Variants in STARD9 observed in about 807,000 individuals in gnomAD.
The protein encoded by STARD9 is StAR related lipid transfer domain containing 9.
Under a neutral mutation model 399.8 loss-of-function variants are expected in STARD9, and 346 were observed. That is an observed-to-expected ratio of 0.87 (90% confidence interval 0.79 to 0.95). STARD9 has a LOEUF of 0.95. Ranked by LOEUF, STARD9 falls within the 40% of genes least tolerant of loss-of-function variation. STARD9 has a pLI of 0.00. For synonymous variants in STARD9, 2,203 were observed against 2,143.5 expected (o/e 1.03, Z -0.77); for missense variants, 5,832 against 5,667.5 (o/e 1.03, Z -0.93).
intron 3 of STARD9, among the ~76,000 whole-genome samples, chr15:42,625,087 C>G (rs986991675): frequency 3.0e-4 from 45 of 152,150 alleles, no homozygotes; most frequent in African/African-American, 9.2e-4. Context: ...AGTATGGTGG[C>G]ACAGTCTTGG....
At chr15:42,682,703 C>T (rs1284071708) in intron 22 of STARD9, 128 bp downstream of exon 22, 17 of 755,650 alleles carry the variant, frequency 2.2e-5, no homozygotes, top group Non-Finnish European at 2.7e-5. Context: ...GTATATTTCT[C>T]TCTTCCTCAT....
intron 14 of STARD9, 99 bp from the exon 15 acceptor site, chr15:42,665,687 C>A: frequency 1.1e-6 from 1 of 921,840 alleles, no homozygotes; most frequent in Non-Finnish European, 1.6e-6. Flanking sequence ...TAAAGTTTTT[C>A]CTTTATCTGC....
Position 42,686,599 on chromosome 15 carries a change from C to A in STARD9, c.5021C>A (p.Pro1674His). The change falls in exon 23 of 33, where the codon CCT (proline) becomes CAT (histidine). Residue 1674 changes from proline (P) to histidine (H), a missense_variant. Physicochemically the swap from Pro to His is moderately conservative, Grantham distance 77. This residue lies in a region of STARD9 where 5,828 missense variants were observed against 5,651.1 expected (regional missense o/e 1.03). Transcript: ENST00000290607. ...KADHWSQGWA[P>H]LRKNSAVQPG... ...GACCATTGGTCCCAAGGCTGGGCTC[C>A]TCTCAGGAAAAATAGTGCAGTCCAG... The A allele has an allele frequency of 6.5e-7, 1 of 1,537,408 alleles. No individual in the cohort carries two copies. The highest frequency in any genetic ancestry group is 8.7e-7 in the Non-Finnish European group (1 of 1,146,994).
At chr15:42,653,810 TA>T (rs535464309) in intron 9 of STARD9, among the ~76,000 whole-genome samples, 3 of 151,876 alleles carry the variant, frequency 2.0e-5, no homozygotes, top group Non-Finnish European at 4.4e-5. Context: ...TGAGTAAATA[TA>T]AAAAAAACCT....
At chr15:42,682,715 A>G (rs1340905646) in intron 22 of STARD9, 140 bp downstream of exon 22, 1 of 721,532 alleles carries the variant, frequency 1.4e-6, no homozygotes, top group East Asian at 2.7e-5. Flanking sequence ...CTTCCTCATG[A>G]CTTTTTCCAT....
At chr15:42,659,813 C>G (rs1246899924) in intron 9 of STARD9, among the ~76,000 whole-genome samples, 1 of 152,164 alleles carries the variant, frequency 6.6e-6, no homozygotes, top group East Asian at 1.9e-4. Context: ...GGTGAGTCAT[C>G]ATGCCCAGCC....
In STARD9 at chr15:42,665,406, TG is replaced by T. The variant is rs1378722935; in HGVS notation, c.1254+79del. On this transcript the variant is annotated intron_variant, in intron 14 of 32. Coordinates refer to ENST00000290607, the MANE Select transcript of STARD9 (RefSeq NM_020759.3). ...AGCCTCTTTTCTTCTCCATAGAGTC[TG>T]GGCCCTGCTGCATTCTATGTTCTCA... 3.4e-6 allele frequency: 4 copies of T among 1,168,708 alleles called. No individual in the cohort carries two copies. The Admixed American group carries it at 8.1e-5, about 24-fold the overall frequency. The allele number at this position is 1,168,708 out of a possible 1,614,324, so 72.4% of individuals were successfully genotyped here. A position where few individuals can be genotyped will look rare whatever the true frequency, so the allele number is the denominator to read the frequency against.
intron 9 of STARD9, among the ~76,000 whole-genome samples, chr15:42,657,314 C>T (rs184967251): frequency 6.7e-6 from 1 of 148,414 alleles, no homozygotes; most frequent in African/African-American, 2.5e-5. Flanking sequence ...GAGCTGAGAT[C>T]GTACCATCAC....
intron 18 of STARD9, 74 bp downstream of exon 18, chr15:42,675,038 T>A: frequency 7.2e-7 from 1 of 1,393,062 alleles, no homozygotes; most frequent in Non-Finnish European, 9.3e-7. Flanking sequence ...CCCAAAGAGC[T>A]CAGTGAAGCA....
rs1189999169 is a variant in STARD9 at position 42,687,439 on chromosome 15, G to A, written c.5861G>A (p.Arg1954His). 45 of 1,537,066 alleles carry A rather than the reference G, an allele frequency of 2.9e-5. No homozygotes were observed. The Admixed American group carries it at 4.1e-4, about 14-fold the overall frequency. ...TCTTTGAAATCCAGATCAGTAGATCGTAGAGTAAGCAGCCCAGTGATGGTG... is the reference window on the plus strand; with the variant it reads ...TCTTTGAAATCCAGATCAGTAGATCATAGAGTAAGCAGCCCAGTGATGGTG... ...AVSLKSRSVD[R>H]RVSSPVMVAQ... Residue 1954 changes from arginine (R) to histidine (H), a missense_variant, in exon 23 of 33, where the codon CGT (arginine) becomes CAT (histidine). Transcript: ENST00000290607.
At position 42,690,297 on chromosome 15, in the gene STARD9, G is replaced by T. The variant is rs534412465; in HGVS notation, c.8719G>T (p.Ala2907Ser). The change falls in exon 23 of 33, where the codon GCA (alanine) becomes TCA (serine). Residue 2907 changes from alanine (A) to serine (S), a missense_variant. Around this residue, in one of 2 missense-constraint regions of STARD9, gnomAD observed 5,828 missense variants for 5,651.1 expected, o/e 1.03. Coordinates refer to ENST00000290607, the MANE Select transcript of STARD9 (RefSeq NM_020759.3). ...PIPLPDQRPS[A>S]NPGGIGEEAP... ...TCCACTGCCAGATCAAAGACCAAGC[G>T]CAAATCCTGGGGGAATTGGGGAGGA... 4 of 1,537,286 alleles carry T rather than the reference G, an allele frequency of 2.6e-6. No homozygotes were observed. Among genetic ancestry groups the T allele is most frequent in the Admixed American group, 2.0e-5 (1 of 50,998 alleles).
At chr15:42,670,437 T>C (rs1462355924) in intron 16 of STARD9, 3 of 152,256 alleles carry the variant, frequency 2.0e-5, no homozygotes, top group Non-Finnish European at 4.4e-5. Flanking sequence ...TAGTGACCTA[T>C]GGTAGATAGA....
In STARD9 at chr15:42,716,756, C is replaced by T. The variant is rs2061358364; in HGVS notation, c.13364C>T (p.Ser4455Phe). The T allele has an allele frequency of 6.5e-6, 10 of 1,536,594 alleles. No individual in the cohort carries two copies. Among genetic ancestry groups the T allele is most frequent in the African/African-American group, 1.4e-5 (1 of 73,042 alleles). ...GGCCATTCTGCAGTGAGGAAGAACTCTGCCTACAGTGAGTTGCGGGGAGTG... is the reference window on the plus strand; with the variant it reads ...GGCCATTCTGCAGTGAGGAAGAACTTTGCCTACAGTGAGTTGCGGGGAGTG... ...RGGHSAVRKNSAYSHRASLGS... is the reference protein window; with the variant it reads ...RGGHSAVRKNFAYSHRASLGS... The change falls in exon 27 of 33, where the codon TCT becomes TTT. Residue 4455 changes from serine to phenylalanine, a missense_variant. Physicochemically the swap from Ser to Phe is radical, Grantham distance 155. Coordinates refer to ENST00000290607, the MANE Select transcript of STARD9 (RefSeq NM_020759.3).
intron 9 of STARD9, among the ~76,000 whole-genome samples, chr15:42,657,302 G>A (rs2059897189): frequency 6.6e-6 from 1 of 150,810 alleles, no homozygotes; most frequent in African/African-American, 2.5e-5. Flanking sequence ...AGAGGTTGCA[G>A]TGAGCTGAGA....
intron 3 of STARD9, among the ~76,000 whole-genome samples, chr15:42,603,670 G>T (rs562692974): frequency 6.6e-6 from 1 of 152,094 alleles, no homozygotes; most frequent in African/African-American, 2.4e-5. Flanking sequence ...GCAGGCAGGG[G>T]GCTAGGGAAT....
At chr15:42,668,180 G>A (rs1163567869) in intron 15 of STARD9, among the ~76,000 whole-genome samples, 2 of 152,128 alleles carry the variant, frequency 1.3e-5, no homozygotes, top group Non-Finnish European at 2.9e-5. Context: ...AAGCCAGAGT[G>A]TCCTGCCACT....
chr15:42,616,211 C>G (rs2058959958), intron 3 of STARD9, among the ~76,000 whole-genome samples: 1 of 152,110 alleles, frequency 6.6e-6, no homozygotes, highest in Admixed American at 6.6e-5. Flanking sequence ...CAAAAAGACT[C>G]CAGAAATGAT....
chr15:42,691,595 C>T lies in STARD9; in HGVS notation c.10017C>T (p.Asn3339=). The T allele has an allele frequency of 6.5e-7, 1 of 1,537,250 alleles. No individual in the cohort carries two copies. The highest frequency in any genetic ancestry group is 8.7e-7 in the Non-Finnish European group (1 of 1,146,908). ...CTTCTCGTTCTCTTCAGGAGCTGAA[C>T]TTGAGTGTGGAGCCTCCTTCCCCTA... is the stretch of plus-strand genomic sequence containing the variant. ...VGSSRSLQEL[N]LSVEPPSPTD... The change falls in exon 23 of 33, where the codon AAC becomes AAT. Residue 3339 remains asparagine, a synonymous_variant. Coordinates refer to ENST00000290607, the MANE Select transcript of STARD9 (RefSeq NM_020759.3).
chr15:42,655,835 G>A (rs1308271167), intron 9 of STARD9, among the ~76,000 whole-genome samples: 1 of 152,016 alleles, frequency 6.6e-6, no homozygotes, highest in Non-Finnish European at 1.5e-5. Flanking sequence ...TGCATCCTAC[G>A]AAGGACTAAT....
Sources: gnomAD v4.1 joint callset for allele counts (sites outside exome capture counted in the v4.1 genomes callset) on GRCh38, gnomAD v4.1.1 for gene constraint, gnomAD v4.1.1 regional missense constraint, MANE v1.5 for transcripts, NCBI Gene and HGNC (gene_info 2026-07-23, HGNC 2026-07-21) for gene names.